Variants in TCOF1 observed in about 807,000 individuals in gnomAD.
TCOF1 encodes the protein treacle ribosome biogenesis factor 1, also known as treacle protein.
A neutral mutation model predicts 149.0 loss-of-function variants in TCOF1; 33 were observed. The observed-to-expected ratio is 0.22, with a 90% confidence interval of 0.17 to 0.30. TCOF1 has a LOEUF of 0.30. Among genes scored for constraint, TCOF1 ranks in the 10% least tolerant of loss-of-function variants. The pLI is 1.00. For synonymous variants in TCOF1, 789 were observed against 738.8 expected (o/e 1.07, Z -1.10); for missense variants, 1,728 against 1,840.7 (o/e 0.94, Z 1.12).
intron 19 of TCOF1, 138 bp downstream of exon 19, chr5:150,390,161 G>A: frequency 7.3e-7 from 1 of 1,372,670 alleles, no homozygotes; most frequent in Non-Finnish European, 9.9e-7. Context: ...ACAGCCAGAG[G>A]CTTTCTGGCC....
intron 24 of TCOF1, among the ~76,000 whole-genome samples, chr5:150,397,501 A>G (rs1413981943): frequency 1.3e-5 from 2 of 152,216 alleles, no homozygotes; most frequent in African/African-American, 2.4e-5. Context: ...TCATTTAGGT[A>G]GAAATGAGAC....
intron 17 of TCOF1, 77 bp downstream of exon 17, chr5:150,379,809 C>T: frequency 6.5e-7 from 1 of 1,538,064 alleles, no homozygotes; most frequent in Non-Finnish European, 8.8e-7. Flanking sequence ...TGGTGGCTCA[C>T]ACCTGTAATC....
chr5:150,361,300 A>C (rs886582415), intron 2 of TCOF1, 89 bp downstream of exon 2: 3 of 1,480,194 alleles, frequency 2.0e-6, no homozygotes, highest in Admixed American at 1.7e-5. Flanking sequence ...CTGGTCTAAG[A>C]TCTGTCCCCA....
chr5:150,369,563 C>T lies in TCOF1; in HGVS notation c.600C>T (p.Ser200=), dbSNP rs73270841. The T allele has an allele frequency of 2.0e-4, 326 of 1,614,084 alleles. No individual in the cohort carries two copies. Among genetic ancestry groups the T allele is most frequent in the Admixed American group, 2.7e-4 (16 of 60,022 alleles). ...CAGCGGGCCAGGCCGACAGCTCCAGCGAGGACACCTCCAGCTCCAGTGATG... is the reference window on the plus strand; with the variant it reads ...CAGCGGGCCAGGCCGACAGCTCCAGTGAGGACACCTCCAGCTCCAGTGATG... ...MVSAGQADSS[S]EDTSSSSDET... Residue 200 remains serine (S), a synonymous_variant, in exon 6 of 27, where the codon AGC becomes AGT. Coordinates refer to ENST00000643257, the MANE Select transcript of TCOF1 (RefSeq NM_001371623.1).
chr5:150,363,409 G>T (rs754519880), intron 2 of TCOF1, among the ~76,000 whole-genome samples: 8 of 152,192 alleles, frequency 5.3e-5, no homozygotes, highest in Non-Finnish European at 1.0e-4. Flanking sequence ...GTCAATGGGC[G>T]TGAGACTTCA....
Position 150,393,397 on chromosome 5 carries a change from C to A in TCOF1, c.3629C>A (p.Pro1210His), listed in dbSNP as rs558700013. Residue 1210 changes from proline to histidine, a missense_variant, in exon 23 of 27, where the codon CCT (proline) becomes CAT (histidine). Coordinates refer to ENST00000643257, the MANE Select transcript of TCOF1 (RefSeq NM_001371623.1). Reference protein sequence around the residue: ...SQSLLSGYMTPGLTPANSQAS... With the variant: ...SQSLLSGYMTHGLTPANSQAS... Reference sequence around the variant, plus strand: ...TCTCTCCTCTCAGGTTATATGACCCCTGGACTAACCCCAGCCAATTCCCAG... The same window carrying A: ...TCTCTCCTCTCAGGTTATATGACCCATGGACTAACCCCAGCCAATTCCCAG... The A allele has an allele frequency of 6.2e-7, 1 of 1,614,020 alleles. No homozygotes were observed. Among genetic ancestry groups the A allele is most frequent in the Non-Finnish European group, 8.5e-7 (1 of 1,180,042 alleles).
In TCOF1 at chr5:150,375,543, G is replaced by T. The variant is rs746889823; in HGVS notation, c.1693G>T (p.Ala565Ser). 2.5e-6 allele frequency: 4 copies of T among 1,614,014 alleles called. No homozygotes were observed. The highest frequency in any genetic ancestry group is 1.3e-5 in the African/African-American group (1 of 75,020). The change falls in exon 11 of 27, where the codon GCC (alanine) becomes TCC (serine). Residue 565 changes from alanine (A) to serine (S), a missense_variant. By Grantham distance (99) the Ala-to-Ser change is moderately conservative. This residue lies in a region of TCOF1 where 1,696 missense variants were observed against 1,765.4 expected (regional missense o/e 0.96). Transcript: ENST00000643257. ...TGATGGAGAGGTGCCCACAGCTGTG[G>T]CCCCGGCTCAGGTGAGGCCCCTTCC... ...SSDGEVPTAV[A>S]PAQEKSLGNI...
chr5:150,366,214 G>C (rs1761317293), intron 3 of TCOF1, among the ~76,000 whole-genome samples: 1 of 152,046 alleles, frequency 6.6e-6, no homozygotes, highest in African/African-American at 2.4e-5. Context: ...AGCTGGGCAT[G>C]GTGGCATGCA....
Position 150,399,949 on chromosome 5 carries a change from A to C in TCOF1, c.*162A>C, listed in dbSNP as rs1356529535. On this transcript the variant is annotated 3_prime_UTR_variant, in exon 27 of 27. Transcript: ENST00000643257. ...AGCTTCAGGGGTCCCTGTGCTGGCC[A>C]AGCCAGTGAGCCTGCGGGGAGGCTG... The C allele has an allele frequency of 6.6e-6, 1 of 152,430 alleles. No homozygotes were observed. Among genetic ancestry groups the C allele is most frequent in the Non-Finnish European group, 1.5e-5 (1 of 68,230 alleles). 9.4% of individuals were successfully genotyped at this position (152,430 alleles called of 1,614,324 possible).
chr5:150,390,996 C>T (rs1385499435), intron 19 of TCOF1, among the ~76,000 whole-genome samples: 2 of 152,184 alleles, frequency 1.3e-5, no homozygotes, highest in African/African-American at 4.8e-5. Flanking sequence ...CCTCCTGAGA[C>T]AGCGATGCTT....
At position 150,376,509 on chromosome 5, in the gene TCOF1, C is replaced by T; in HGVS notation, c.2229C>T (p.Leu743=). Residue 743 remains leucine (L), a synonymous_variant, in exon 14 of 27, where the codon CTC becomes CTT. Coordinates refer to ENST00000643257, the MANE Select transcript of TCOF1 (RefSeq NM_001371623.1). The part of the protein sequence containing the change: ...GSLGQGTAPV[L]PGKTGPTVTQ... ...TGGGGCAAGGGACTGCTCCAGTACT[C>T]CCTGGGAAGACGGGGCCTACAGTCA... 6.2e-7 allele frequency: 1 copy of T among 1,613,526 alleles called. No individual in the cohort carries two copies.
At position 150,400,233 on chromosome 5, in the gene TCOF1, T is replaced by A. The variant is rs1451724905; in HGVS notation, c.*446T>A. 5.3e-5 allele frequency: 8 copies of A among 150,984 alleles called. No individual in the cohort carries two copies. The highest frequency in any genetic ancestry group is 1.0e-4 in the Non-Finnish European group (7 of 67,490). 9.4% of individuals were successfully genotyped at this position (150,984 alleles called of 1,614,324 possible). A position where few individuals can be genotyped will look rare whatever the true frequency, so the allele number is the denominator to read the frequency against. ...TCTTCCTCTCGTCAGTTCTTTTGGT[T>A]GTGTTTTTTGTTTTTTTTTTAATAA... On this transcript the variant is annotated 3_prime_UTR_variant, in exon 27 of 27. Coordinates refer to ENST00000643257, the MANE Select transcript of TCOF1 (RefSeq NM_001371623.1).
intron 17 of TCOF1, among the ~76,000 whole-genome samples, chr5:150,386,265 C>T (rs765137388): frequency 1.1e-4 from 17 of 152,202 alleles, no homozygotes; most frequent in African/African-American, 1.7e-4. Context: ...CATCCCAAGA[C>T]GCTATTGTTT....
At chr5:150,381,616 C>T (rs963569755) in intron 17 of TCOF1, among the ~76,000 whole-genome samples, 1 of 152,202 alleles carries the variant, frequency 6.6e-6, no homozygotes, top group African/African-American at 2.4e-5. Flanking sequence ...TTATGGAGGA[C>T]CTAAATGCCA....
At chr5:150,391,911 C>T in intron 20 of TCOF1, 46 bp from the exon 21 acceptor site, 1 of 1,596,480 alleles carries the variant, frequency 6.3e-7, no homozygotes, top group South Asian at 1.1e-5. Context: ...CCAGGTCTTA[C>T]TTGCCCTAAT....
chr5:150,375,389 C>T lies in TCOF1; in HGVS notation c.1539C>T (p.Gly513=), dbSNP rs779629697. 21 of 1,612,608 alleles carry T rather than the reference C, an allele frequency of 1.3e-5. No individual in the cohort carries two copies. The highest frequency in any genetic ancestry group is 1.8e-5 in the Non-Finnish European group (21 of 1,179,814). ...AGGTGAAACCTGCCTCTACCATGGG[C>T]ATGGGGCCCTTGGGGAAAGGCGCCG... ...SPQVKPASTM[G]MGPLGKGAGP... Residue 513 remains glycine, a synonymous_variant, in exon 11 of 27, where the codon GGC becomes GGT. Transcript: ENST00000643257.
intron 25 of TCOF1, 75 bp downstream of exon 25, chr5:150,398,526 G>A (rs1769066061): frequency 1.9e-6 from 3 of 1,601,584 alleles, no homozygotes; most frequent in Non-Finnish European, 2.6e-6. Flanking sequence ...CCCAGACCTG[G>A]TTCCTGCCCC....
rs201429329 is a variant in TCOF1 at position 150,374,769 on chromosome 5, C to T, written c.1236C>T (p.Ser412=). The T allele has an allele frequency of 6.8e-6, 11 of 1,613,018 alleles. No individual in the cohort carries two copies. The highest frequency in any genetic ancestry group is 3.3e-5 in the Admixed American group (2 of 59,812). The part of the protein sequence containing the change: ...QAGKREEDSQ[S]SSEESDSEEE... ...GGAAGCGGGAGGAGGACTCGCAGAGCAGCAGCGAGGAATCGGACAGTGAGG... is the reference window on the plus strand; with the variant it reads ...GGAAGCGGGAGGAGGACTCGCAGAGTAGCAGCGAGGAATCGGACAGTGAGG... The change falls in exon 9 of 27, where the codon AGC becomes AGT. Residue 412 remains serine (S), a synonymous_variant. Coordinates refer to ENST00000643257, the MANE Select transcript of TCOF1 (RefSeq NM_001371623.1).
chr5:150,369,950 C>G (rs542566687), intron 6 of TCOF1, among the ~76,000 whole-genome samples: 1 of 152,224 alleles, frequency 6.6e-6, no homozygotes, highest in Admixed American at 6.5e-5. Context: ...GGAAATGGGG[C>G]AAGAACAGGG....
Sources: gnomAD v4.1 joint callset for allele counts (sites outside exome capture counted in the v4.1 genomes callset) on GRCh38, gnomAD v4.1.1 for gene constraint, gnomAD v4.1.1 regional missense constraint, MANE v1.5 for transcripts, NCBI Gene and HGNC (gene_info 2026-07-23, HGNC 2026-07-21) for gene names.